WDPCP: variants seen among roughly 807,000 people sequenced by gnomAD.
WDPCP encodes WD repeat containing planar cell polarity effector, also known as WD repeat-containing and planar cell polarity effector protein fritz homolog.
A neutral mutation model predicts 93.1 loss-of-function variants in WDPCP; 71 were observed. The observed-to-expected ratio is 0.76, with a 90% confidence interval of 0.63 to 0.93. The LOEUF (loss-of-function observed/expected upper bound fraction) is 0.93. WDPCP is among the 40% of genes least tolerant of loss of function. WDPCP has a pLI of 0.00. For missense variants in WDPCP, 844 were observed against 887.4 expected (o/e 0.95, Z 0.62); for synonymous variants, 315 against 315.0 (o/e 1.00, Z 0.00).
At chr2:63,633,957 G>A (rs966808499) in intron 3 of WDPCP, among the ~76,000 whole-genome samples, 2 of 152,068 alleles carry the variant, frequency 1.3e-5, no homozygotes, top group African/African-American at 2.4e-5. Flanking sequence ...AGCTACTCAC[G>A]AGGGTGAGGA....
intron 2 of WDPCP, among the ~76,000 whole-genome samples, chr2:63,809,475 G>C (rs182190843): frequency 6.2e-5 from 9 of 144,480 alleles, no homozygotes; most frequent in Admixed American, 5.6e-4. Context: ...ACAAAGGGGG[G>C]AAAGGTGGGG....
At position 63,779,700 on chromosome 2, in the gene WDPCP, A is replaced by G. The variant is rs773515522; in HGVS notation, n.308+33922T>C. On this transcript the variant is annotated intron_variant and non_coding_transcript_variant, in intron 2 of 4. Transcript: ENST00000467687. Reference sequence around the variant, plus strand: ...ATTAAGCGCCTTGTGAGGAATAAATAGCAGATGCTTTCCATTCTTGAGTGC... The same window carrying G: ...ATTAAGCGCCTTGTGAGGAATAAATGGCAGATGCTTTCCATTCTTGAGTGC... Among the ~76,000 whole-genome samples the G allele has an allele frequency of 3.5e-4, 54 of 152,312 alleles. 1 individual carries two copies. The highest frequency in any genetic ancestry group is 6.8e-4 in the Non-Finnish European group (46 of 68,024).
chr2:63,148,546 G>T (rs1011306453), intron 17 of WDPCP, among the ~76,000 whole-genome samples: 1 of 151,680 alleles, frequency 6.6e-6, no homozygotes, highest in Non-Finnish European at 1.5e-5. Flanking sequence ...TAGAGACAGG[G>T]TTTCACCATG....
At chr2:63,251,468 C>T (rs1428076847) in intron 14 of WDPCP, among the ~76,000 whole-genome samples, 2 of 137,444 alleles carry the variant, frequency 1.5e-5, no homozygotes, top group African/African-American at 5.4e-5. Context: ...GAAATTCAAT[C>T]AATAATAAAA....
At chr2:63,717,520 C>G (rs1430956287) in intron 2 of WDPCP, 2 of 466,546 alleles carry the variant, frequency 4.3e-6, no homozygotes, top group Non-Finnish European at 4.2e-6. Context: ...CTCGAACAAA[C>G]TCAGGACAGG....
chr2:63,315,000 T>C (rs1376062161), intron 12 of WDPCP, among the ~76,000 whole-genome samples: 1 of 152,114 alleles, frequency 6.6e-6, no homozygotes, highest in Non-Finnish European at 1.5e-5. Context: ...ATTAAAAAAC[T>C]GACATTGGCA....
chr2:63,398,166 C>G (rs1037932680), intron 10 of WDPCP, among the ~76,000 whole-genome samples: 5 of 152,026 alleles, frequency 3.3e-5, no homozygotes, highest in African/African-American at 1.2e-4. Flanking sequence ...AGCAGATAAA[C>G]TTAATGAACT....
intron 9 of WDPCP, among the ~76,000 whole-genome samples, chr2:63,427,044 A>G (rs982338962): frequency 2.0e-5 from 3 of 152,246 alleles, no homozygotes; most frequent in African/African-American, 7.2e-5. Context: ...TGATCTAACT[A>G]TCCTAAATAT....
chr2:63,528,794 T>C lies in WDPCP; in HGVS notation c.76-35854A>G, dbSNP rs551649589. Among the ~76,000 whole-genome samples, 3 of 152,308 alleles carry C rather than the reference T, an allele frequency of 2.0e-5. No homozygotes were observed. The South Asian group carries it at 6.2e-4, about 32-fold the overall frequency. ...ATGGGGATGGCATTGAATCTATAAA[T>C]TACCTTGGGCAGTATGGCCATCTTC... is the stretch of plus-strand genomic sequence containing the variant. On this transcript the variant is annotated intron_variant, in intron 1 of 17. Coordinates refer to ENST00000272321, the MANE Select transcript of WDPCP (RefSeq NM_015910.7).
chr2:63,649,957 C>G (rs1203172856), intron 3 of WDPCP, among the ~76,000 whole-genome samples: 1 of 152,144 alleles, frequency 6.6e-6, no homozygotes, highest in Admixed American at 6.5e-5. Flanking sequence ...GACAGACAAC[C>G]TCTGGGGTCA....
chr2:63,358,257 T>A (rs1402813712), intron 12 of WDPCP, among the ~76,000 whole-genome samples: 2 of 151,970 alleles, frequency 1.3e-5, no homozygotes, highest in Non-Finnish European at 1.5e-5. Flanking sequence ...GAAAAAAAAA[T>A]CATGGTTGTA....
chr2:63,618,218 A>G (rs1225878694), intron 3 of WDPCP, among the ~76,000 whole-genome samples: 1 of 152,248 alleles, frequency 6.6e-6, no homozygotes, highest in Admixed American at 6.5e-5. Flanking sequence ...AAAATGCTCA[A>G]GCAAGTGCTT....
At position 63,382,092 on chromosome 2, in the gene WDPCP, C is replaced by T. The variant is rs201412509; in HGVS notation, c.1438G>A (p.Val480Ile). ...PLGVLLFKLG[V>I]FTRGQLGLID... ...AGGCCCAGCTGTCCTCGAGTGAAGA[C>T]GCCTATCACAAAACATGGAAAACCA... The change falls in exon 11 of 18, where the codon GTC becomes ATC. Residue 480 changes from valine to isoleucine, a missense_variant and splice_region_variant. Coordinates refer to ENST00000272321, the MANE Select transcript of WDPCP (RefSeq NM_015910.7). 234 of 1,612,092 alleles carry T rather than the reference C, an allele frequency of 1.5e-4. No individual in the cohort carries two copies. In the Middle Eastern group the frequency reaches 1.5e-3, roughly 10 times the overall value.
At chr2:63,429,005 GA>G (rs1431219738) in intron 9 of WDPCP, among the ~76,000 whole-genome samples, 1 of 151,886 alleles carries the variant, frequency 6.6e-6, no homozygotes. Context: ...AGAGAACCCA[GA>G]AAAAAAGTCA....
intron 2 of WDPCP, among the ~76,000 whole-genome samples, chr2:63,687,833 C>T (rs150048748): frequency 7.9e-4 from 120 of 152,254 alleles, no homozygotes; most frequent in African/African-American, 2.5e-3. Flanking sequence ...TCCCACTACT[C>T]GGTATATACC....
intron 12 of WDPCP, among the ~76,000 whole-genome samples, chr2:63,362,277 T>TGGGGTGTGTGTGTG (rs1553362984): frequency 1.1e-5 from 1 of 94,132 alleles, no homozygotes; most frequent in Non-Finnish European, 1.9e-5. Flanking sequence ...TTTTTTTTGG[T>TGGGGTGTGTGTGTG]TGTGTGTGTG....
chr2:63,584,314 T>C (rs1471641551), intron 1 of WDPCP, among the ~76,000 whole-genome samples: 1 of 152,240 alleles, frequency 6.6e-6, no homozygotes, highest in Non-Finnish European at 1.5e-5. Flanking sequence ...CTCTTATTTA[T>C]GGTTTTACCA....
intron 9 of WDPCP, among the ~76,000 whole-genome samples, chr2:63,413,463 C>A (rs1256427440): frequency 6.6e-6 from 1 of 152,054 alleles, no homozygotes; most frequent in Non-Finnish European, 1.5e-5. Flanking sequence ...TTGGCTTAGG[C>A]AAGGATTTCA....
At chr2:63,709,803 T>A (rs560321339) in intron 2 of WDPCP, among the ~76,000 whole-genome samples, 1 of 152,338 alleles carries the variant, frequency 6.6e-6, no homozygotes, top group African/African-American at 2.4e-5. Flanking sequence ...ATTGAAGATA[T>A]TCAGGAGCAG....
Sources: gnomAD v4.1 joint callset for allele counts (sites outside exome capture counted in the v4.1 genomes callset) on GRCh38, gnomAD v4.1.1 for gene constraint, MANE v1.5 for transcripts, NCBI Gene and HGNC (gene_info 2026-07-23, HGNC 2026-07-21) for gene names.